The following GLIPR1L1 variants were observed in gnomAD, a reference collection of about 807,000 sequenced individuals.
The protein encoded by GLIPR1L1 is GLIPR1 like 1.
A neutral mutation model predicts 29.9 loss-of-function variants in GLIPR1L1; 26 were observed. That is an observed-to-expected ratio of 0.87 (90% CI 0.64 to 1.21). The LOEUF (loss-of-function observed/expected upper bound fraction) is 1.21. Ranked by LOEUF, GLIPR1L1 falls within the 50% of genes most tolerant of loss-of-function variation. The probability of loss-of-function intolerance (pLI) is 0.00; values close to 1 mark genes in which losing one functional copy is unlikely to be tolerated. For missense variants in GLIPR1L1, 305 were observed against 290.3 expected, an observed-to-expected ratio of 1.05 and a Z score of -0.37; for synonymous variants, 77 against 97.5, an observed-to-expected ratio of 0.79 and a Z score of 1.24.
At chr12:75,352,984 G>A (rs1025441327) in intron 3 of GLIPR1L1, among the ~76,000 whole-genome samples, 6 of 152,104 alleles carry the variant, frequency 3.9e-5, no homozygotes, top group Admixed American at 2.0e-4. Flanking sequence ...TCTCTGGGAC[G>A]CAGCTAAAGC....
At chr12:75,337,308 G>T (rs992839511) in intron 1 of GLIPR1L1, among the ~76,000 whole-genome samples, 1 of 151,644 alleles carries the variant, frequency 6.6e-6, no homozygotes, top group African/African-American at 2.4e-5. Flanking sequence ...AATATCAAAA[G>T]TTGGTTTAAA....
intron 2 of GLIPR1L1, 48 bp from the exon 3 acceptor site, chr12:75,347,574 C>T (rs1440051530): frequency 8.5e-7 from 1 of 1,173,650 alleles, no homozygotes; most frequent in East Asian, 2.4e-5. Flanking sequence ...GCATTGTTTG[C>T]ATAGAATTGT....
At chr12:75,344,973 CGTG>C (rs1281720233) in intron 2 of GLIPR1L1, among the ~76,000 whole-genome samples, 7 of 152,016 alleles carry the variant, frequency 4.6e-5, no homozygotes, top group Non-Finnish European at 2.9e-5. Flanking sequence ...TTGTGTAAAC[CGTG>C]GTATTATCTC....
intron 3 of GLIPR1L1, among the ~76,000 whole-genome samples, chr12:75,348,253 ACAGTTAATAACC>A (rs1207424472): frequency 1.3e-5 from 2 of 152,320 alleles, no homozygotes; most frequent in East Asian, 3.9e-4. Context: ...GACTATAAAA[ACAGTTAATAACC>A]CAGCTCTTCA....
rs886634759 is a variant in GLIPR1L1, at chr12:75,334,820, C to G, written c.92C>G (p.Pro31Arg). The G allele has an allele frequency of 2.5e-6, 4 of 1,614,094 alleles. No homozygotes were observed. Among genetic ancestry groups the G allele is most frequent in the Non-Finnish European group, 3.4e-6 (4 of 1,180,004 alleles). ...TSSKIPSITD[P>R]HFIDNCIEAH... ...TCCAAAATCCCATCCATCACTGACC[C>G]ACACTTTATAGACAACTGCATAGAA... The change falls in exon 1 of 6, where the codon CCA (proline) becomes CGA (arginine). Residue 31 changes from proline to arginine, a missense_variant. Transcript: ENST00000378695.
At chr12:75,366,823 G>A in intron 4 of GLIPR1L1, 1 of 698,404 alleles carries the variant, frequency 1.4e-6, no homozygotes. Flanking sequence ...GGCTAAAAAT[G>A]CCAAGTGAAC....
intron 3 of GLIPR1L1, chr12:75,360,679 T>G (rs930349846): frequency 6.6e-6 from 1 of 152,264 alleles, no homozygotes; most frequent in Non-Finnish European, 1.5e-5. Flanking sequence ...AGTTGTCATT[T>G]GATCTACCAT....
Position 75,334,785 on chromosome 12 carries a change from CACT to C in GLIPR1L1, c.60_62del (p.Thr21del). 6.2e-7 allele frequency: 1 copy of C among 1,614,008 alleles called. No individual in the cohort carries two copies. Among genetic ancestry groups the C allele is most frequent in the Non-Finnish European group, 8.5e-7 (1 of 1,179,932 alleles). ...GGATCTTGGGTCTGTGTTTGGTAGCCACTACATCTTCCAAAATCCCATCCATCA... is the reference window on the plus strand; with the variant it reads ...GGATCTTGGGTCTGTGTTTGGTAGCCACATCTTCCAAAATCCCATCCATCA... On this transcript the variant is annotated inframe_deletion, in exon 1 of 6. Coordinates refer to ENST00000378695, the MANE Select transcript of GLIPR1L1 (RefSeq NM_001304964.2).
chr12:75,340,660 G>A (rs1235169467), intron 1 of GLIPR1L1, among the ~76,000 whole-genome samples: 1 of 150,448 alleles, frequency 6.6e-6, no homozygotes, highest in African/African-American at 2.4e-5. Context: ...TACAAACTAG[G>A]AGAAAATATA....
intron 1 of GLIPR1L1, among the ~76,000 whole-genome samples, chr12:75,340,405 G>GA (rs1208514558): frequency 1.3e-5 from 2 of 151,320 alleles, no homozygotes; most frequent in Non-Finnish European, 3.0e-5. Context: ...TATAAGAAAA[G>GA]AAAAAACTTT....
In GLIPR1L1 at chr12:75,370,181, A is replaced by G. The variant is rs2139700581; in HGVS notation, c.*5A>G. Reference sequence around the variant, plus strand: ...CTTCTTCTGAGAATCTTTTAATGTCATTTATATACAAAAGAAATTCTCAAA... The same window carrying G: ...CTTCTTCTGAGAATCTTTTAATGTCGTTTATATACAAAAGAAATTCTCAAA... On this transcript the variant is annotated 3_prime_UTR_variant, in exon 6 of 6. Coordinates refer to ENST00000378695, the MANE Select transcript of GLIPR1L1 (RefSeq NM_001304964.2). The G allele has an allele frequency of 7.4e-7, 1 of 1,349,584 alleles. No homozygotes were observed. The highest frequency in any genetic ancestry group is 1.7e-5 in the Admixed American group (1 of 59,234). 83.6% of individuals were successfully genotyped at this position (1,349,584 alleles called of 1,614,324 possible).
chr12:75,367,759 T>C (rs185936801), intron 4 of GLIPR1L1, among the ~76,000 whole-genome samples: 1 of 152,258 alleles, frequency 6.6e-6, no homozygotes, highest in East Asian at 1.9e-4. Context: ...ATAATGCGTT[T>C]TGTTCTTTCT....
chr12:75,367,238 T>C (rs1271442888), intron 4 of GLIPR1L1, among the ~76,000 whole-genome samples: 1 of 128,102 alleles, frequency 7.8e-6, no homozygotes, highest in Non-Finnish European at 1.6e-5. Flanking sequence ...TAAACTAGAA[T>C]TAGGATCCTA....
At chr12:75,366,800 T>C (rs1263488444) in intron 4 of GLIPR1L1, 27 of 694,540 alleles carry the variant, frequency 3.9e-5, no homozygotes, top group Non-Finnish European at 1.0e-5. Context: ...CAGAGGTCTA[T>C]CACCTCTGAG....
intron 3 of GLIPR1L1, among the ~76,000 whole-genome samples, chr12:75,354,336 C>A (rs2043010713): frequency 6.6e-6 from 1 of 151,878 alleles, no homozygotes; most frequent in Non-Finnish European, 1.5e-5. Context: ...TGTACACCAA[C>A]AACAGACAAG....
chr12:75,361,274 T>G (rs1484599352), intron 3 of GLIPR1L1, among the ~76,000 whole-genome samples: 1 of 152,038 alleles, frequency 6.6e-6, no homozygotes, highest in East Asian at 1.9e-4. Flanking sequence ...GAAAACTAAT[T>G]AGGAAAGGGT....
intron 4 of GLIPR1L1, chr12:75,367,018 GTCTC>G: frequency 1.4e-6 from 1 of 701,346 alleles, no homozygotes. Context: ...GAGGAGGTAA[GTCTC>G]TCATTTATCT....
At chr12:75,355,454 T>G (rs1172028555) in intron 3 of GLIPR1L1, among the ~76,000 whole-genome samples, 2 of 152,134 alleles carry the variant, frequency 1.3e-5, no homozygotes, top group Non-Finnish European at 2.9e-5. Flanking sequence ...TGGCAATTAT[T>G]AAAAAGTCCA....
Position 75,343,700 on chromosome 12 carries a change from A to G in GLIPR1L1, c.182A>G (p.Asp61Gly). The change falls in exon 2 of 6, where the codon GAT becomes GGT. Residue 61 changes from aspartate to glycine, a missense_variant. Asp to Gly is a moderately conservative substitution (Grantham distance 94). Transcript: ENST00000378695. ...PAADMKYMIW[D>G]KGLAKMAKAW... ...ATTATTTTTATCTTTCAGATTTGGG[A>G]TAAAGGTTTAGCAAAGATGGCTAAA... 1.2e-6 allele frequency: 2 copies of G among 1,602,908 alleles called. No homozygotes were observed. The highest frequency in any genetic ancestry group is 1.7e-5 in the Admixed American group (1 of 58,444).
Sources: gnomAD v4.1 joint callset for allele counts (sites outside exome capture counted in the v4.1 genomes callset) on GRCh38, gnomAD v4.1.1 for gene constraint, MANE v1.5 for transcripts, NCBI Gene and HGNC (gene_info 2026-07-23, HGNC 2026-07-21) for gene names.